Variants in MYBPHL observed in about 807,000 individuals in gnomAD.
MYBPHL encodes myosin binding protein H like, also known as myosin-binding protein H-like.
Under a neutral mutation model 39.5 loss-of-function variants are expected in MYBPHL, and 32 were observed. The ratio of observed to expected loss-of-function variants is 0.81; its 90% confidence interval spans 0.61 to 1.09. MYBPHL has a LOEUF of 1.09. Among genes scored for constraint, MYBPHL ranks in the 50% least tolerant of loss-of-function variants. The pLI is 0.00. For synonymous variants in MYBPHL, 196 were observed against 183.7 expected (o/e 1.07, Z -0.54); for missense variants, 456 against 460.2 (o/e 0.99, Z 0.08).
intron 8 of MYBPHL, among the ~76,000 whole-genome samples, chr1:109,293,339 G>A (rs995028828): frequency 3.9e-5 from 6 of 152,182 alleles, no homozygotes; most frequent in African/African-American, 1.4e-4. Flanking sequence ...CATTCATTAG[G>A]TTTAATTCCT....
At position 109,296,905 on chromosome 1, in the gene MYBPHL, C is replaced by G; in HGVS notation, c.608G>C (p.Ser203Thr). 1.2e-6 allele frequency: 2 copies of G among 1,614,168 alleles called. No homozygotes were observed. Among genetic ancestry groups the G allele is most frequent in the Non-Finnish European group, 8.5e-7 (1 of 1,180,018 alleles). ...GATGATGAGGTCAGAGACGATGCAG[C>G]TGGTGCGGTGATAGTGCTCCAGCAC... ...FTVLEHYHRT[S>T]CIVSDLIIGN... The change falls in exon 5 of 9, where the codon AGC (serine) becomes ACC (threonine). Residue 203 changes from serine (S) to threonine (T), a missense_variant. Transcript: ENST00000357155.
At position 109,306,726 on chromosome 1, in the gene MYBPHL, C is replaced by G. The variant is rs1348385163; in HGVS notation, c.145+121G>C. ...TCTCACGAATGATCTCCAGCCTAAT[C>G]ACCAATCCTATAGAGTCTTTAGCTC... On this transcript the variant is annotated intron_variant, in intron 1 of 8. Coordinates refer to ENST00000357155, the MANE Select transcript of MYBPHL (RefSeq NM_001010985.3). 4 of 820,284 alleles carry G rather than the reference C, an allele frequency of 4.9e-6. No homozygotes were observed. In the East Asian group the frequency reaches 9.8e-5, roughly 20 times the overall value. 50.8% of individuals were successfully genotyped at this position (820,284 alleles called of 1,614,324 possible).
chr1:109,296,900 T>A lies in MYBPHL; in HGVS notation c.613A>T (p.Ile205Phe), dbSNP rs1409263434. ...TTGCCGATGATGAGGTCAGAGACGA[T>A]GCAGCTGGTGCGGTGATAGTGCTCC... ...VLEHYHRTSC[I>F]VSDLIIGNSY... The change falls in exon 5 of 9, where the codon ATC (isoleucine) becomes TTC (phenylalanine). Residue 205 changes from isoleucine (I) to phenylalanine (F), a missense_variant. Transcript: ENST00000357155. The A allele has an allele frequency of 6.2e-7, 1 of 1,614,168 alleles. No homozygotes were observed. The highest frequency in any genetic ancestry group is 8.5e-7 in the Non-Finnish European group (1 of 1,180,020).
intron 6 of MYBPHL, 33 bp downstream of exon 6, chr1:109,296,201 C>G (rs1440965178): frequency 1.1e-5 from 17 of 1,609,880 alleles, no homozygotes; most frequent in Non-Finnish European, 1.4e-5. Context: ...CAAGAAGCAG[C>G]TCAGCACAGT....
In MYBPHL at chr1:109,296,236, G is replaced by T. The variant is rs763912500; in HGVS notation, c.865C>A (p.Arg289=). The T allele has an allele frequency of 1.2e-6, 2 of 1,612,988 alleles. No homozygotes were observed. Among genetic ancestry groups the T allele is most frequent in the South Asian group, 2.2e-5 (2 of 91,030 alleles). ...TGCCCCCCAGAGCCCCCACTCACCC[G>T]GGGAGAGGCGCGGACACAGCAGAAG... ...QLFCCVRASP[R]PKIIWLKNKM... Residue 289 remains arginine, a splice_region_variant and synonymous_variant, in exon 6 of 9, where the codon CGG becomes AGG. Transcript: ENST00000357155.
rs1189703704 is a variant in MYBPHL at position 109,299,060 on chromosome 1, T to A, written c.146-803A>T. Among the ~76,000 whole-genome samples, 4 of 152,174 alleles carry A rather than the reference T, an allele frequency of 2.6e-5. No homozygotes were observed. In the East Asian group the frequency reaches 7.7e-4, roughly 29 times the overall value. On this transcript the variant is annotated intron_variant, in intron 1 of 8. Coordinates refer to ENST00000357155, the MANE Select transcript of MYBPHL (RefSeq NM_001010985.3). ...GATTGACCAGGTATCATTTCTCTCC[T>A]CTTGGGATGCCTCACACTGTCTCAG...
chr1:109,293,007 T>G (rs1361326544), intron 8 of MYBPHL: 1 of 152,186 alleles, frequency 6.6e-6, no homozygotes, highest in Non-Finnish European at 1.5e-5. Flanking sequence ...ACCACACACC[T>G]AAAGGTTAAA....
Position 109,297,562 on chromosome 1 carries a change from C to A in MYBPHL, c.290G>T (p.Arg97Met), listed in dbSNP as rs1479707049. 6.2e-7 allele frequency: 1 copy of A among 1,613,958 alleles called. No homozygotes were observed. Among genetic ancestry groups the A allele is most frequent in the Admixed American group, 1.7e-5 (1 of 60,028 alleles). ...CTCCCCATTCCGCACACTCACACGCCTGGTGTCCAAGGCACAGCCATCATG... is the reference window on the plus strand; with the variant it reads ...CTCCCCATTCCGCACACTCACACGCATGGTGTCCAAGGCACAGCCATCATG... ...WTHDGCALDT[R>M]RVSVRNGEQD... Residue 97 changes from arginine (R) to methionine (M), a missense_variant, in exon 3 of 9, where the codon AGG (arginine) becomes ATG (methionine). Coordinates refer to ENST00000357155, the MANE Select transcript of MYBPHL (RefSeq NM_001010985.3).
chr1:109,298,764 G>A (rs1048893637), intron 1 of MYBPHL, among the ~76,000 whole-genome samples: 5 of 151,932 alleles, frequency 3.3e-5, no homozygotes, highest in African/African-American at 7.3e-5. Context: ...CCTCCCAGCC[G>A]CCCACGGAGA....
chr1:109,297,479 G>A lies in MYBPHL; in HGVS notation c.373C>T (p.Leu125Phe). The change falls in exon 3 of 9, where the codon CTC becomes TTC. Residue 125 changes from leucine (L) to phenylalanine (F), a missense_variant. Leu to Phe is a conservative substitution (Grantham distance 22, BLOSUM62 0). Transcript: ENST00000357155. The stretch of plus-strand genomic sequence containing the variant: ...TCCAGCCCACCCAGCTGCACGCGGA[G>A]TTGGTAGCGACCTGAGTCAGCACGT... ...AQRADSGRYQ[L>F]RVQLGGLEAT... The A allele has an allele frequency of 6.2e-7, 1 of 1,613,536 alleles. No individual in the cohort carries two copies. Among genetic ancestry groups the A allele is most frequent in the Non-Finnish European group, 8.5e-7 (1 of 1,180,030 alleles).
chr1:109,292,392 T>C lies in MYBPHL; in HGVS notation c.*230A>G, dbSNP rs1657897974. ...CTGGGGAACCACATATTTATTTAGA[T>C]GAATCCAAACCAGACATGGTGCCGA... On this transcript the variant is annotated 3_prime_UTR_variant, in exon 9 of 9. Transcript: ENST00000357155. 6.6e-6 allele frequency: 1 copy of C among 152,340 alleles called. No homozygotes were observed. The highest frequency in any genetic ancestry group is 2.4e-5 in the African/African-American group (1 of 41,574). The allele number at this position is 152,340 out of a possible 1,614,324, so 9.4% of individuals were successfully genotyped here.
Position 109,297,175 on chromosome 1 carries a change from G to A in MYBPHL, c.445C>T (p.Pro149Ser). The A allele has an allele frequency of 6.2e-7, 1 of 1,614,198 alleles. No homozygotes were observed. The highest frequency in any genetic ancestry group is 8.5e-7 in the Non-Finnish European group (1 of 1,180,038). The change falls in exon 4 of 9, where the codon CCT (proline) becomes TCT (serine). Residue 149 changes from proline to serine, a missense_variant. Transcript: ENST00000357155. ...ACGTCCACCAGCTTAATACTCTGAG[G>A]AGGGCCTGGCCTCTCTGAAAGGGCA... The part of the protein sequence containing the change: ...DILVIERPGP[P>S]QSIKLVDVWG...
chr1:109,304,193 C>A (rs911706632), intron 1 of MYBPHL, among the ~76,000 whole-genome samples: 1 of 149,634 alleles, frequency 6.7e-6, no homozygotes, highest in African/African-American at 2.5e-5. Flanking sequence ...TCCATGAGGG[C>A]AGTTATTTTT....
chr1:109,294,660 A>G (rs1462108003), intron 7 of MYBPHL, among the ~76,000 whole-genome samples: 2 of 152,224 alleles, frequency 1.3e-5, no homozygotes, highest in Non-Finnish European at 2.9e-5. Flanking sequence ...AGGATATGCA[A>G]TATTACCTAT....
intron 8 of MYBPHL, among the ~76,000 whole-genome samples, chr1:109,293,651 A>G (rs558548001): frequency 6.6e-6 from 1 of 151,950 alleles, no homozygotes; most frequent in Non-Finnish European, 1.5e-5. Context: ...GAGGCAGGAG[A>G]ATGGCATGAA....
intron 8 of MYBPHL, among the ~76,000 whole-genome samples, chr1:109,293,203 G>T (rs1325863576): frequency 1.3e-5 from 2 of 152,152 alleles, no homozygotes; most frequent in African/African-American, 4.8e-5. Flanking sequence ...ACAAGGTGCT[G>T]TGACTCTTGT....
At chr1:109,304,121 C>T (rs1258790410) in intron 1 of MYBPHL, among the ~76,000 whole-genome samples, 2 of 152,226 alleles carry the variant, frequency 1.3e-5, no homozygotes, top group Non-Finnish European at 1.5e-5. Context: ...TTCTCACCAT[C>T]TGACATATTA....
At chr1:109,302,041 G>T (rs1177332846) in intron 1 of MYBPHL, among the ~76,000 whole-genome samples, 1 of 151,508 alleles carries the variant, frequency 6.6e-6, no homozygotes. Flanking sequence ...GTATGAGTGT[G>T]TATGTATGTG....
chr1:109,303,430 C>T (rs982992495), intron 1 of MYBPHL, among the ~76,000 whole-genome samples: 2 of 152,218 alleles, frequency 1.3e-5, no homozygotes, highest in Non-Finnish European at 2.9e-5. Flanking sequence ...ACTTCCCACC[C>T]ACTCAGTGGC....
Sources: allele counts gnomAD v4.1 joint callset (sites outside exome capture counted in the v4.1 genomes callset), GRCh38; gene constraint gnomAD v4.1.1; transcripts MANE v1.5; gene names NCBI Gene and HGNC (gene_info 2026-07-23, HGNC 2026-07-21).